SORCS3: variants seen among roughly 807,000 people sequenced by gnomAD.
The protein encoded by SORCS3 is sortilin related VPS10 domain containing receptor 3.
A neutral mutation model predicts 146.3 loss-of-function variants in SORCS3; 57 were observed. That is an observed-to-expected ratio of 0.39 (90% confidence interval 0.31 to 0.49). The LOEUF (loss-of-function observed/expected upper bound fraction) is 0.49, where lower values mean the gene tolerates loss of function less well. Among genes scored for constraint, SORCS3 ranks in the 20% least tolerant of loss-of-function variants. The pLI, the probability that SORCS3 is intolerant of heterozygous loss-of-function variation, is 0.92. For synonymous variants in SORCS3, 653 were observed against 618.5 expected (o/e 1.06, Z -0.83); for missense variants, 1,341 against 1,575.5 (o/e 0.85, Z 2.52).
At chr10:104,752,837 A>G (rs757885164) in intron 1 of SORCS3, among the ~76,000 whole-genome samples, 15 of 152,096 alleles carry the variant, frequency 9.9e-5, no homozygotes, top group Non-Finnish European at 2.2e-4. Context: ...GAGTTTAAGT[A>G]TTTTCTATAT....
intron 4 of SORCS3, among the ~76,000 whole-genome samples, chr10:104,995,150 C>A (rs1451077620): frequency 1.4e-5 from 2 of 145,200 alleles, no homozygotes; most frequent in Admixed American, 6.9e-5. Context: ...CTTTTCTTTT[C>A]TTTCTTTCTT....
intron 5 of SORCS3, among the ~76,000 whole-genome samples, chr10:105,068,472 G>C (rs951694433): frequency 6.6e-6 from 1 of 152,136 alleles, no homozygotes; most frequent in Non-Finnish European, 1.5e-5. Context: ...GCCTGGACCA[G>C]CTTCCTCTCT....
At chr10:105,071,947 C>T (rs1222100352) in intron 5 of SORCS3, among the ~76,000 whole-genome samples, 2 of 152,130 alleles carry the variant, frequency 1.3e-5, no homozygotes, top group African/African-American at 4.8e-5. Flanking sequence ...TGTTGCATCA[C>T]TTCAGATAGC....
At chr10:105,094,527 T>C (rs1485994918) in intron 6 of SORCS3, among the ~76,000 whole-genome samples, 1 of 152,210 alleles carries the variant, frequency 6.6e-6, no homozygotes, top group Non-Finnish European at 1.5e-5. Context: ...CTATATATAC[T>C]GTGCACTGAG....
intron 7 of SORCS3, among the ~76,000 whole-genome samples, chr10:105,106,284 A>G (rs1171510486): frequency 6.6e-6 from 1 of 152,176 alleles, no homozygotes; most frequent in African/African-American, 2.4e-5. Flanking sequence ...TTGAACTTTG[A>G]AAACTCCCTG....
chr10:105,092,636 C>CACA (rs2055718439), intron 6 of SORCS3, among the ~76,000 whole-genome samples: 1 of 151,798 alleles, frequency 6.6e-6, no homozygotes, highest in African/African-American at 2.4e-5. Flanking sequence ...CACACACACA[C>CACA]ACATCTCTAC....
intron 5 of SORCS3, among the ~76,000 whole-genome samples, chr10:105,054,011 A>T (rs1024576054): frequency 2.6e-5 from 4 of 152,234 alleles, no homozygotes; most frequent in Middle Eastern, 3.4e-3. Context: ...TAATTTAAAG[A>T]AGTAGTCCAT....
At chr10:104,723,793 G>T (rs530916426) in intron 1 of SORCS3, among the ~76,000 whole-genome samples, 137 of 152,244 alleles carry the variant, frequency 9.0e-4, no homozygotes, top group African/African-American at 3.2e-3. Context: ...GACTAGGATT[G>T]CAACCCCTGC....
intron 1 of SORCS3, among the ~76,000 whole-genome samples, chr10:104,726,045 A>T (rs570072222): frequency 6.6e-6 from 1 of 152,310 alleles, no homozygotes; most frequent in South Asian, 2.1e-4. Flanking sequence ...GAAATGCAGA[A>T]ATCACCTGTC....
chr10:104,733,997 G>A, intron 1 of SORCS3, among the ~76,000 whole-genome samples: 1 of 152,264 alleles, frequency 6.6e-6, no homozygotes, highest in East Asian at 1.9e-4. Context: ...TTAGCAATCT[G>A]CCCTCATGCA....
intron 1 of SORCS3, among the ~76,000 whole-genome samples, chr10:104,786,729 G>A (rs777313697): frequency 3.9e-4 from 59 of 152,268 alleles, no homozygotes; most frequent in Non-Finnish European, 6.2e-4. Flanking sequence ...CCTTGCCTCT[G>A]TGGGTACTGG....
At chr10:104,846,707 G>T (rs972990841) in intron 2 of SORCS3, among the ~76,000 whole-genome samples, 3 of 152,174 alleles carry the variant, frequency 2.0e-5, no homozygotes, top group African/African-American at 7.2e-5. Context: ...GGTGGCCAAG[G>T]TTATTTCTTC....
chr10:105,157,418 G>A (rs2056220691), intron 10 of SORCS3, 134 bp downstream of exon 10: 3 of 1,041,806 alleles, frequency 2.9e-6, no homozygotes, highest in Non-Finnish European at 4.1e-6. Flanking sequence ...AAACTTGCAG[G>A]GCATTGGTGT....
intron 1 of SORCS3, among the ~76,000 whole-genome samples, chr10:104,711,310 G>A (rs1005907415): frequency 6.6e-6 from 1 of 152,226 alleles, no homozygotes; most frequent in African/African-American, 2.4e-5. Context: ...AACTTGGACA[G>A]TCTGGGAATG....
chr10:104,735,600 C>G (rs956501111), intron 1 of SORCS3, among the ~76,000 whole-genome samples: 1 of 151,726 alleles, frequency 6.6e-6, no homozygotes, highest in Non-Finnish European at 1.5e-5. Flanking sequence ...AGACAGAGCC[C>G]TTGGCTCCCT....
intron 2 of SORCS3, among the ~76,000 whole-genome samples, chr10:104,859,326 C>T (rs1306952423): frequency 6.6e-6 from 1 of 152,066 alleles, no homozygotes; most frequent in Non-Finnish European, 1.5e-5. Context: ...GAAAGGATTC[C>T]CTATTTAATA....
chr10:105,186,320 A>G (rs2056476050), intron 14 of SORCS3, among the ~76,000 whole-genome samples: 1 of 152,222 alleles, frequency 6.6e-6, no homozygotes, highest in East Asian at 1.9e-4. Flanking sequence ...GGAGGCTTGC[A>G]ACTGTGTCTT....
At chr10:105,029,497 G>A (rs1382636666) in intron 4 of SORCS3, among the ~76,000 whole-genome samples, 9 of 152,196 alleles carry the variant, frequency 5.9e-5, no homozygotes, top group African/African-American at 2.2e-4. Context: ...ATACAGTCCA[G>A]CTGTTACTCT....
chr10:104,920,053 A>G (rs1014632529), intron 3 of SORCS3, among the ~76,000 whole-genome samples: 2 of 152,186 alleles, frequency 1.3e-5, no homozygotes, highest in African/African-American at 4.8e-5. Context: ...TAATATGGAT[A>G]CTCATCTCAG....
Sources: gnomAD v4.1 joint callset for allele counts (sites outside exome capture counted in the v4.1 genomes callset) on GRCh38, gnomAD v4.1.1 for gene constraint, MANE v1.5 for transcripts, NCBI Gene and HGNC (gene_info 2026-07-23, HGNC 2026-07-21) for gene names.